Variants in CNBD1 observed in about 807,000 individuals in gnomAD.
The protein encoded by CNBD1 is cyclic nucleotide-binding domain-containing protein 1.
In CNBD1, 71 loss-of-function variants were observed where a neutral mutation model predicts 54.4. The ratio of observed to expected loss-of-function variants is 1.30; its 90% CI spans 1.08 to 1.59. CNBD1 has a LOEUF of 1.59. Among genes scored for constraint, CNBD1 ranks in the 40% most tolerant of loss-of-function variants. The pLI, the probability that CNBD1 is intolerant of heterozygous loss-of-function variation, is 0.00. For missense variants in CNBD1, 659 were observed against 518.0 expected (o/e 1.27, Z -2.64); for synonymous variants, 182 against 170.7 (o/e 1.07, Z -0.51).
chr8:87,037,136 A>G (rs1809966497), intron 4 of CNBD1, among the ~76,000 whole-genome samples: 2 of 152,154 alleles, frequency 1.3e-5, no homozygotes, highest in South Asian at 4.1e-4. Context: ...AGTTCAAAAT[A>G]ATTTTATCTT....
chr8:86,970,704 G>A (rs1178147774), intron 4 of CNBD1, among the ~76,000 whole-genome samples: 2 of 152,122 alleles, frequency 1.3e-5, no homozygotes, highest in Non-Finnish European at 2.9e-5. Context: ...AGAACATGCA[G>A]CATTTCATTT....
chr8:86,960,794 G>T (rs570949075), intron 4 of CNBD1, among the ~76,000 whole-genome samples: 2 of 152,148 alleles, frequency 1.3e-5, no homozygotes, highest in East Asian at 3.9e-4. Flanking sequence ...GCTTCCAGAG[G>T]AAGGATCAGG....
chr8:87,189,360 T>C (rs1356236222), intron 4 of CNBD1, among the ~76,000 whole-genome samples: 3 of 152,158 alleles, frequency 2.0e-5, no homozygotes, highest in Admixed American at 1.3e-4. Flanking sequence ...GTAGATAAAA[T>C]AAGCGTGTTT....
At chr8:86,972,347 C>G (rs528630867) in intron 4 of CNBD1, among the ~76,000 whole-genome samples, 1 of 152,168 alleles carries the variant, frequency 6.6e-6, no homozygotes, top group Non-Finnish European at 1.5e-5. Context: ...TAGTGATTTA[C>G]CATATTGTGT....
At chr8:87,071,961 C>A (rs563924709) in intron 4 of CNBD1, among the ~76,000 whole-genome samples, 1 of 152,168 alleles carries the variant, frequency 6.6e-6, no homozygotes, top group South Asian at 2.1e-4. Flanking sequence ...CTTTATAGGT[C>A]TCTAAGAACT....
chr8:87,388,729 G>A (rs191643704), intron 2 of CNBD1, among the ~76,000 whole-genome samples: 2,876 of 152,244 alleles, frequency 0.019, 92 homozygotes, highest in African/African-American at 0.063. Context: ...GAAAAAGAGG[G>A]AATCCTCCCT....
At chr8:87,310,443 A>C (rs116014993) in intron 8 of CNBD1, among the ~76,000 whole-genome samples, 4 of 152,146 alleles carry the variant, frequency 2.6e-5, no homozygotes, top group Non-Finnish European at 5.9e-5. Flanking sequence ...AAAGACCTCT[A>C]TAAGGAAAAC....
chr8:87,268,392 G>T (rs1039478936), intron 6 of CNBD1, among the ~76,000 whole-genome samples: 2 of 152,032 alleles, frequency 1.3e-5, no homozygotes, highest in Admixed American at 6.6e-5. Context: ...TTGCTATTAT[G>T]AATAGTACTG....
chr8:87,425,123 G>T (rs1370711849), intron 2 of CNBD1, among the ~76,000 whole-genome samples: 4 of 151,922 alleles, frequency 2.6e-5, no homozygotes, highest in African/African-American at 9.7e-5. Flanking sequence ...CGGCTCCTGA[G>T]GCTTCTGCAT....
chr8:87,019,635 T>G (rs1402430085), intron 4 of CNBD1, among the ~76,000 whole-genome samples: 1 of 152,136 alleles, frequency 6.6e-6, no homozygotes, highest in Non-Finnish European at 1.5e-5. Context: ...CCCAGCACTT[T>G]GGGAGGCCGA....
At chr8:87,085,001 T>G (rs1481999677) in intron 4 of CNBD1, among the ~76,000 whole-genome samples, 2 of 152,214 alleles carry the variant, frequency 1.3e-5, no homozygotes, top group East Asian at 3.9e-4. Flanking sequence ...TAAACAATAC[T>G]TATGTTGTGT....
In CNBD1 at chr8:86,971,281, C is replaced by T. The variant is rs74388544; in HGVS notation, c.431+31527C>T. Among the ~76,000 whole-genome samples the T allele has an allele frequency of 1.9e-3, 295 of 152,212 alleles. 6 individuals carry two copies. The East Asian group carries it at 0.025, about 13-fold the overall frequency. ...AGGGGCCAGGGAGTGGACTGCCAAA[C>T]ATTTTTATACCATCAGATCTTGTGA... is the stretch of plus-strand genomic sequence containing the variant. On this transcript the variant is annotated intron_variant, in intron 4 of 10. Transcript: ENST00000518476.
At chr8:87,195,058 T>C (rs1158089301) in intron 4 of CNBD1, among the ~76,000 whole-genome samples, 1 of 151,736 alleles carries the variant, frequency 6.6e-6, no homozygotes, top group Non-Finnish European at 1.5e-5. Context: ...TAATTTTTTA[T>C]ATTTTTAGTA....
chr8:86,958,396 G>C (rs1454609836), intron 4 of CNBD1, among the ~76,000 whole-genome samples: 2 of 152,164 alleles, frequency 1.3e-5, no homozygotes, highest in South Asian at 4.1e-4. Context: ...TTAACTTCCT[G>C]TCTTGTTGTC....
chr8:86,918,380 C>G (rs898101601), intron 3 of CNBD1, among the ~76,000 whole-genome samples: 7 of 152,092 alleles, frequency 4.6e-5, no homozygotes, highest in Admixed American at 1.3e-4. Context: ...TCATATTACA[C>G]AGGTTTACAT....
intron 8 of CNBD1, among the ~76,000 whole-genome samples, chr8:87,295,252 A>G (rs539981795): frequency 1.3e-5 from 2 of 151,828 alleles, no homozygotes; most frequent in Non-Finnish European, 2.9e-5. Context: ...TTTGTTTTCA[A>G]TCAGTTTTGA....
At chr8:87,278,718 G>T (rs1808532782) in intron 6 of CNBD1, among the ~76,000 whole-genome samples, 1 of 151,448 alleles carries the variant, frequency 6.6e-6, no homozygotes, top group Non-Finnish European at 1.5e-5. Context: ...AAAGTAGAAA[G>T]AACTGAAGAA....
chr8:87,128,557 A>C (rs545388452), intron 4 of CNBD1, among the ~76,000 whole-genome samples: 8 of 152,250 alleles, frequency 5.3e-5, no homozygotes, highest in African/African-American at 1.9e-4. Context: ...TTCTTTTGCT[A>C]GTTTGTTGAA....
chr8:86,906,420 C>T (rs13439128), intron 3 of CNBD1, among the ~76,000 whole-genome samples: 47,548 of 151,984 alleles, frequency 0.31, 7,592 homozygotes, highest in East Asian at 0.42. Context: ...CTTTTGAAAA[C>T]AGAGATTCAA....
Sources: allele counts gnomAD v4.1 joint callset (sites outside exome capture counted in the v4.1 genomes callset), GRCh38; gene constraint gnomAD v4.1.1; transcripts MANE v1.5; gene names NCBI Gene and HGNC (gene_info 2026-07-23, HGNC 2026-07-21).